ITIH5: variants seen among roughly 807,000 people sequenced by gnomAD.
The protein encoded by ITIH5 is inter-alpha-trypsin inhibitor heavy chain 5, also known as inter-alpha-trypsin inhibitor heavy chain H5.
Under a neutral mutation model 77.5 loss-of-function variants are expected in ITIH5, and 65 were observed. The ratio of observed to expected loss-of-function variants is 0.84; its 90% confidence interval spans 0.69 to 1.03. The LOEUF (loss-of-function observed/expected upper bound fraction) is 1.03. Ranked by LOEUF, ITIH5 falls within the 50% of genes least tolerant of loss-of-function variation. The probability of loss-of-function intolerance (pLI) is 0.00; values close to 1 mark genes in which losing one functional copy is unlikely to be tolerated. For synonymous variants in ITIH5, 525 were observed against 494.3 expected, an observed-to-expected ratio of 1.06 and a Z score of -0.82; for missense variants, 1,208 against 1,213.1, an observed-to-expected ratio of 1.00 and a Z score of 0.06.
At chr10:7,599,944 G>A (rs1050777381) in intron 7 of ITIH5, among the ~76,000 whole-genome samples, 4 of 152,142 alleles carry the variant, frequency 2.6e-5, no homozygotes, top group East Asian at 1.9e-4. Context: ...GTTGCAAGAG[G>A]GAAGAAATTA....
At chr10:7,590,346 T>C (rs570454712) in intron 7 of ITIH5, among the ~76,000 whole-genome samples, 1 of 152,346 alleles carries the variant, frequency 6.6e-6, no homozygotes, top group Admixed American at 6.5e-5. Flanking sequence ...ACTTCCTTTG[T>C]ATTTTTTCTT....
At chr10:7,602,761 A>G (rs1833040427) in intron 7 of ITIH5, among the ~76,000 whole-genome samples, 1 of 152,096 alleles carries the variant, frequency 6.6e-6, no homozygotes, top group Admixed American at 6.5e-5. Context: ...AGGGTTTCCT[A>G]CTTCCACTCA....
chr10:7,604,839 CT>C (rs1833090161), intron 7 of ITIH5, among the ~76,000 whole-genome samples: 1 of 151,104 alleles, frequency 6.6e-6, no homozygotes, highest in Admixed American at 6.6e-5. Context: ...ATTTTTTCTT[CT>C]TTTTTGAATG....
At chr10:7,613,062 TG>T (rs1163912733) in intron 7 of ITIH5, among the ~76,000 whole-genome samples, 1 of 152,114 alleles carries the variant, frequency 6.6e-6, no homozygotes. Flanking sequence ...CTGGCCAACA[TG>T]GTGAAATCCC....
At chr10:7,580,315 T>G (rs1246487736) in intron 8 of ITIH5, among the ~76,000 whole-genome samples, 1 of 152,180 alleles carries the variant, frequency 6.6e-6, no homozygotes, top group African/African-American at 2.4e-5. Context: ...GAGATGGGAT[T>G]GACCATGTTG....
At position 7,577,018 on chromosome 10, in the gene ITIH5, G is replaced by A. The variant is rs187338911; in HGVS notation, c.1419-6C>T. ...TCCTGATTTCATCGTAGAACCTGCA[G>A]TGGAAGCACAGGGAGGGAGGGAGAT... On this transcript the variant is annotated splice_polypyrimidine_tract_variant and splice_region_variant and intron_variant, in intron 9 of 13. Transcript: ENST00000397146. The A allele has an allele frequency of 4.4e-6, 7 of 1,603,298 alleles. No homozygotes were observed. Among genetic ancestry groups the A allele is most frequent in the Non-Finnish European group, 6.0e-6 (7 of 1,172,822 alleles).
chr10:7,596,959 T>C (rs1252374213), intron 7 of ITIH5, among the ~76,000 whole-genome samples: 1 of 142,838 alleles, frequency 7.0e-6, no homozygotes, highest in Non-Finnish European at 1.5e-5. Flanking sequence ...GGCGGGAGAA[T>C]TGCATGAAAC....
chr10:7,608,290 G>C (rs1282315304), intron 7 of ITIH5, among the ~76,000 whole-genome samples: 1 of 152,026 alleles, frequency 6.6e-6, no homozygotes, highest in East Asian at 1.9e-4. Context: ...ATTTTTGTTT[G>C]TTTGTTTGTG....
chr10:7,621,851 C>A (rs1435055210), intron 5 of ITIH5: 1 of 152,116 alleles, frequency 6.6e-6, no homozygotes, highest in Non-Finnish European at 1.5e-5. Flanking sequence ...ATGAGTGTCA[C>A]CCGCAGGGTC....
At chr10:7,664,421 A>C (rs1012920661) in intron 1 of ITIH5, among the ~76,000 whole-genome samples, 2 of 151,936 alleles carry the variant, frequency 1.3e-5, no homozygotes, top group Non-Finnish European at 2.9e-5. Context: ...AAAAACTAAA[A>C]TGTGTTCCAT....
At chr10:7,641,811 T>C (rs1232906262) in intron 3 of ITIH5, 116 bp downstream of exon 3, 2 of 781,312 alleles carry the variant, frequency 2.6e-6, no homozygotes, top group African/African-American at 3.5e-5. Context: ...TTCTGATCTA[T>C]ATACCATCTA....
intron 7 of ITIH5, among the ~76,000 whole-genome samples, chr10:7,613,602 G>A (rs945442737): frequency 2.0e-5 from 3 of 152,044 alleles, no homozygotes; most frequent in African/African-American, 7.2e-5. Context: ...TTCCCAGTAA[G>A]AACTAAAAAA....
In ITIH5 at chr10:7,579,792, C is replaced by G; in HGVS notation, c.1381G>C (p.Val461Leu). 6.2e-7 allele frequency: 1 copy of G among 1,614,130 alleles called. No homozygotes were observed. Among genetic ancestry groups the G allele is most frequent in the Admixed American group, 1.7e-5 (1 of 60,026 alleles). Reference protein sequence around the residue: ...SLENCGLTRRVHEEEDAGSQL... With the variant: ...SLENCGLTRRLHEEEDAGSQL... The stretch of plus-strand genomic sequence containing the variant: ...GAGCCTGCGTCCTCCTCCTCGTGCA[C>G]GCGCCGTGTGAGGCCACAGTTCTCC... Residue 461 changes from valine to leucine, a missense_variant, in exon 9 of 14, where the codon GTG (valine) becomes CTG (leucine). Physicochemically the swap from Val to Leu is conservative, Grantham distance 32 (BLOSUM62 1). Coordinates refer to ENST00000397146, the MANE Select transcript of ITIH5 (RefSeq NM_030569.7).
At chr10:7,666,619 C>G (rs988168423) in intron 1 of ITIH5, among the ~76,000 whole-genome samples, 184 bp downstream of exon 1, 4 of 152,174 alleles carry the variant, frequency 2.6e-5, no homozygotes, top group Non-Finnish European at 4.4e-5. Flanking sequence ...AAGCCTCAGG[C>G]CAGATCAGGC....
intron 8 of ITIH5, among the ~76,000 whole-genome samples, chr10:7,580,944 T>C (rs1832538972): frequency 6.6e-6 from 1 of 152,136 alleles, no homozygotes; most frequent in Non-Finnish European, 1.5e-5. Context: ...TCAGAGGCCC[T>C]TGTCAGCAAC....
At chr10:7,635,317 A>T (rs575009570) in intron 5 of ITIH5, among the ~76,000 whole-genome samples, 1 of 152,334 alleles carries the variant, frequency 6.6e-6, no homozygotes, top group South Asian at 2.1e-4. Context: ...ATACATGAGC[A>T]CTTCACAATG....
intron 5 of ITIH5, among the ~76,000 whole-genome samples, chr10:7,623,526 G>A (rs190782590): frequency 9.9e-5 from 15 of 151,964 alleles, no homozygotes; most frequent in African/African-American, 2.4e-4. Context: ...TCATAAGGCC[G>A]GGCGTGGTGG....
At position 7,617,136 on chromosome 10, in the gene ITIH5, C is replaced by A; in HGVS notation, c.799G>T (p.Glu267Ter). Residue 267 changes from glutamate (E) to a stop codon, truncating the protein, a stop_gained, in exon 6 of 14, where the codon GAA becomes TAA. Transcript: ENST00000397146. LOFTEE classifies it high-confidence loss of function. ...ACCTGGATGTCCCCAATGCTCTGTT[C>A]TCTATTGACGTCATATCTAATGATA... ...DFIIRYDVNR[E>*]QSIGDIQVLN... 1.9e-6 allele frequency: 3 copies of A among 1,584,948 alleles called. No individual in the cohort carries two copies. Among genetic ancestry groups the A allele is most frequent in the Non-Finnish European group, 2.6e-6 (3 of 1,169,920 alleles).
intron 2 of ITIH5, among the ~76,000 whole-genome samples, chr10:7,652,458 C>T (rs915300002): frequency 1.3e-5 from 2 of 152,014 alleles, no homozygotes; most frequent in Non-Finnish European, 2.9e-5. Flanking sequence ...AAGACATGCA[C>T]GCAAGAGAGT....
Sources: allele counts gnomAD v4.1 joint callset (sites outside exome capture counted in the v4.1 genomes callset), GRCh38; gene constraint gnomAD v4.1.1; transcripts MANE v1.5; gene names NCBI Gene and HGNC (gene_info 2026-07-23, HGNC 2026-07-21).